GUCY1A2: variants seen among roughly 807,000 people sequenced by gnomAD.
GUCY1A2 encodes guanylate cyclase 1 soluble subunit alpha 2.
Under a neutral mutation model 63.5 loss-of-function variants are expected in GUCY1A2, and 27 were observed. The observed-to-expected ratio is 0.43, with a 90% CI of 0.31 to 0.59. GUCY1A2 has a LOEUF of 0.59. GUCY1A2 is among the 20% of genes least tolerant of loss of function. The pLI is 0.11. For synonymous variants in GUCY1A2, 364 were observed against 343.5 expected (o/e 1.06, Z -0.66); for missense variants, 768 against 913.3 (o/e 0.84, Z 2.05).
chr11:106,877,085 T>C (rs1010796041), intron 4 of GUCY1A2, among the ~76,000 whole-genome samples: 20 of 152,044 alleles, frequency 1.3e-4, no homozygotes, highest in African/African-American at 4.8e-4. Flanking sequence ...ACAAGCAGCC[T>C]TTAGAAGTTG....
At chr11:106,709,486 T>TA (rs1863008703) in intron 6 of GUCY1A2, among the ~76,000 whole-genome samples, 2 of 83,348 alleles carry the variant, frequency 2.4e-5, no homozygotes, top group Non-Finnish European at 4.3e-5. Context: ...TATTATATAT[T>TA]TATATATATA....
At chr11:106,795,708 A>C (rs1175136806) in intron 5 of GUCY1A2, among the ~76,000 whole-genome samples, 1 of 152,190 alleles carries the variant, frequency 6.6e-6, no homozygotes, top group Non-Finnish European at 1.5e-5. Flanking sequence ...ACCCAAATTT[A>C]AGATGACAGA....
chr11:106,799,473 C>A (rs1435728499), intron 5 of GUCY1A2, among the ~76,000 whole-genome samples: 1 of 152,174 alleles, frequency 6.6e-6, no homozygotes, highest in Non-Finnish European at 1.5e-5. Flanking sequence ...ATGCATCACA[C>A]TACCTGACTT....
intron 4 of GUCY1A2, among the ~76,000 whole-genome samples, chr11:106,933,798 G>A (rs1366935369): frequency 6.6e-6 from 1 of 152,048 alleles, no homozygotes; most frequent in Non-Finnish European, 1.5e-5. Flanking sequence ...CAGCTATGCA[G>A]CCATAAAAAA....
intron 1 of GUCY1A2, among the ~76,000 whole-genome samples, chr11:107,015,242 A>G (rs937509686): frequency 1.3e-5 from 2 of 152,176 alleles, no homozygotes; most frequent in African/African-American, 2.4e-5. Context: ...CCCTTTTCAT[A>G]ATAGAAAACA....
At chr11:106,827,896 C>T (rs746076039) in intron 4 of GUCY1A2, 21 of 1,519,832 alleles carry the variant, frequency 1.4e-5, no homozygotes, top group Non-Finnish European at 1.7e-5. Context: ...TTCATGCTGC[C>T]GGACTCCCAG....
chr11:106,936,558 G>T, intron 4 of GUCY1A2: 1 of 624,616 alleles, frequency 1.6e-6, no homozygotes, highest in South Asian at 2.2e-5. Flanking sequence ...AAGAATATGT[G>T]AGGCATGGAT....
intron 3 of GUCY1A2, among the ~76,000 whole-genome samples, chr11:106,948,456 A>T (rs780758354): frequency 1.8e-4 from 27 of 152,154 alleles, no homozygotes; most frequent in Non-Finnish European, 3.7e-4. Flanking sequence ...GTAGATTCTG[A>T]AAAGTGTGAG....
At chr11:106,913,916 T>A (rs1258744219) in intron 4 of GUCY1A2, among the ~76,000 whole-genome samples, 1 of 142,572 alleles carries the variant, frequency 7.0e-6, no homozygotes, top group African/African-American at 2.6e-5. Flanking sequence ...CCATCAAGCA[T>A]AACCTGGCTA....
At chr11:106,712,112 T>C (rs563492354) in intron 6 of GUCY1A2, among the ~76,000 whole-genome samples, 2 of 152,230 alleles carry the variant, frequency 1.3e-5, no homozygotes, top group African/African-American at 4.8e-5. Context: ...GAATATTTTT[T>C]TCTGTCTACC....
At chr11:107,004,926 G>C (rs1301673238) in intron 1 of GUCY1A2, among the ~76,000 whole-genome samples, 1 of 152,142 alleles carries the variant, frequency 6.6e-6, no homozygotes, top group Non-Finnish European at 1.5e-5. Flanking sequence ...TGAGTATATA[G>C]AGTACAAGAT....
intron 5 of GUCY1A2, among the ~76,000 whole-genome samples, chr11:106,787,417 T>A (rs1234524809): frequency 1.2e-4 from 17 of 147,162 alleles, no homozygotes; most frequent in South Asian, 6.5e-4. Flanking sequence ...CTTACTTTGT[T>A]TTTTTTTTTG....
intron 6 of GUCY1A2, among the ~76,000 whole-genome samples, chr11:106,774,031 TA>T (rs1317603064): frequency 6.6e-6 from 1 of 152,212 alleles, no homozygotes; most frequent in Non-Finnish European, 1.5e-5. Flanking sequence ...TAAAGATTCA[TA>T]AAGTACAATA....
At chr11:106,900,574 C>T (rs1031572101) in intron 4 of GUCY1A2, among the ~76,000 whole-genome samples, 3 of 152,094 alleles carry the variant, frequency 2.0e-5, no homozygotes, top group Admixed American at 6.5e-5. Context: ...GAATAAGACT[C>T]GTGTGTTTCT....
intron 1 of GUCY1A2, among the ~76,000 whole-genome samples, chr11:107,013,208 T>C (rs1336744686): frequency 6.6e-6 from 1 of 152,180 alleles, no homozygotes; most frequent in Non-Finnish European, 1.5e-5. Context: ...TACTTTTTTT[T>C]CCTGACATTC....
intron 4 of GUCY1A2, among the ~76,000 whole-genome samples, chr11:106,854,816 T>C (rs1432541879): frequency 1.3e-5 from 2 of 152,070 alleles, no homozygotes; most frequent in Non-Finnish European, 2.9e-5. Flanking sequence ...GGGGAGGTTG[T>C]TCTGAGTTGC....
intron 4 of GUCY1A2, among the ~76,000 whole-genome samples, chr11:106,935,788 G>A (rs1227126675): frequency 7.3e-5 from 11 of 150,446 alleles, no homozygotes; most frequent in Admixed American, 4.6e-4. Flanking sequence ...TGGAGGTTGC[G>A]GTAACCTGAG....
Position 106,933,677 on chromosome 11 carries a change from A to G in GUCY1A2, c.1206+5783T>C, listed in dbSNP as rs1207153701. On this transcript the variant is annotated intron_variant, in intron 4 of 7. Transcript: ENST00000526355. Reference sequence around the variant, plus strand: ...ATTGCAGCACTATTCACAATAGCGAAGACAGGGAATCAACCCAGGTGCCCA... The same window carrying G: ...ATTGCAGCACTATTCACAATAGCGAGGACAGGGAATCAACCCAGGTGCCCA... 2.0e-5 allele frequency among the ~76,000 whole-genome samples: 3 copies of G among 152,350 alleles called. No individual in the cohort carries two copies. In the East Asian group the frequency reaches 5.8e-4, roughly 29 times the overall value.
chr11:106,877,303 GC>G (rs1349090825), intron 4 of GUCY1A2, among the ~76,000 whole-genome samples: 2 of 151,894 alleles, frequency 1.3e-5, no homozygotes, highest in Non-Finnish European at 2.9e-5. Flanking sequence ...CTATTTGGAT[GC>G]CCTTTATTTC....
Sources: allele counts gnomAD v4.1 joint callset (sites outside exome capture counted in the v4.1 genomes callset), GRCh38; gene constraint gnomAD v4.1.1; transcripts MANE v1.5; gene names NCBI Gene and HGNC (gene_info 2026-07-23, HGNC 2026-07-21).